The following CALCR variants were observed in gnomAD, a reference collection of about 807,000 sequenced individuals.
CALCR encodes calcitonin receptor.
A neutral mutation model predicts 59.5 loss-of-function variants in CALCR; 47 were observed. The observed-to-expected ratio is 0.79, with a 90% confidence interval of 0.63 to 1.01. CALCR has a LOEUF of 1.01. CALCR is among the 50% of genes least tolerant of loss of function. CALCR has a pLI of 0.00. For synonymous variants in CALCR, 213 were observed against 211.3 expected, an observed-to-expected ratio of 1.01 and a Z score of -0.07; for missense variants, 566 against 597.1, an observed-to-expected ratio of 0.95 and a Z score of 0.54.
intron 13 of CALCR, among the ~76,000 whole-genome samples, chr7:93,426,972 A>AT (rs1197975766): frequency 6.6e-6 from 1 of 152,178 alleles, no homozygotes; most frequent in Admixed American, 6.5e-5. Flanking sequence ...GAAGTTTTTA[A>AT]TTTAAGTGTG....
intron 13 of CALCR, among the ~76,000 whole-genome samples, chr7:93,427,782 T>A (rs1799561912): frequency 6.6e-6 from 1 of 152,040 alleles, no homozygotes; most frequent in Admixed American, 6.6e-5. Context: ...AGTAATAATC[T>A]CCTCTGAGAA....
chr7:93,473,283 T>C (rs1225957084), intron 5 of CALCR, among the ~76,000 whole-genome samples: 7 of 151,852 alleles, frequency 4.6e-5, no homozygotes, highest in Admixed American at 1.3e-4. Flanking sequence ...ACGTTAATAA[T>C]GAGTCTTTGA....
At chr7:93,538,618 T>G (rs914941803) in intron 2 of CALCR, among the ~76,000 whole-genome samples, 1 of 151,684 alleles carries the variant, frequency 6.6e-6, no homozygotes, top group South Asian at 2.1e-4. Flanking sequence ...CTTAACCTGT[T>G]TTTTGTTTTT....
chr7:93,533,234 C>T (rs772723830), intron 2 of CALCR, among the ~76,000 whole-genome samples: 11 of 151,840 alleles, frequency 7.2e-5, no homozygotes, highest in South Asian at 2.1e-4. Context: ...CAATATTAGG[C>T]GAGGACTAAC....
intron 2 of CALCR, chr7:93,496,036 T>C: frequency 3.4e-6 from 3 of 872,216 alleles, no homozygotes; most frequent in Non-Finnish European, 5.1e-6. Flanking sequence ...AATGTCTTCA[T>C]GTAAGGGGAA....
chr7:93,466,878 T>C (rs1413179117), intron 7 of CALCR, among the ~76,000 whole-genome samples: 1 of 151,638 alleles, frequency 6.6e-6, no homozygotes, highest in Non-Finnish European at 1.5e-5. Context: ...GAAATGATCG[T>C]TGAAAAAAAA....
chr7:93,536,800 A>G (rs1789002428), intron 2 of CALCR, among the ~76,000 whole-genome samples: 1 of 151,708 alleles, frequency 6.6e-6, no homozygotes, highest in Non-Finnish European at 1.5e-5. Context: ...TTCTTGACAT[A>G]AGAAATTAGT....
At chr7:93,483,999 A>G (rs779940906) in intron 3 of CALCR, 4 of 521,036 alleles carry the variant, frequency 7.7e-6, no homozygotes, top group Non-Finnish European at 1.6e-5. Flanking sequence ...GGCGTCACAC[A>G]TACGACCACC....
At chr7:93,435,092 A>G (rs1386103745) in intron 12 of CALCR, among the ~76,000 whole-genome samples, 3 of 152,150 alleles carry the variant, frequency 2.0e-5, no homozygotes, top group African/African-American at 7.2e-5. Context: ...GGTGAATGGA[A>G]CTAGGGCAGC....
At chr7:93,526,096 T>A (rs1801871565) in intron 2 of CALCR, among the ~76,000 whole-genome samples, 1 of 152,164 alleles carries the variant, frequency 6.6e-6, no homozygotes, top group Non-Finnish European at 1.5e-5. Context: ...GAAGTCAACA[T>A]AAAGATTAGA....
At chr7:93,487,770 A>G (rs1800980818) in intron 2 of CALCR, among the ~76,000 whole-genome samples, 1 of 151,412 alleles carries the variant, frequency 6.6e-6, no homozygotes, top group Admixed American at 6.6e-5. Context: ...GTGAGTGGTT[A>G]TGACTGTATC....
chr7:93,446,406 A>G (rs1800006895), intron 8 of CALCR, among the ~76,000 whole-genome samples: 1 of 152,060 alleles, frequency 6.6e-6, no homozygotes, highest in Non-Finnish European at 1.5e-5. Flanking sequence ...AGAAATATAC[A>G]GAACCACACC....
intron 13 of CALCR, among the ~76,000 whole-genome samples, chr7:93,432,889 T>C (rs1470882902): frequency 6.6e-6 from 1 of 152,150 alleles, no homozygotes; most frequent in Non-Finnish European, 1.5e-5. Context: ...ATTTATTAGT[T>C]TTTATCATTC....
Position 93,426,282 on chromosome 7 carries a change from G to C in CALCR, c.*74C>G. The C allele has an allele frequency of 1.2e-6, 1 of 833,300 alleles. No homozygotes were observed. Among genetic ancestry groups the C allele is most frequent in the Non-Finnish European group, 2.1e-6 (1 of 480,392 alleles). 51.6% of individuals were successfully genotyped at this position (833,300 alleles called of 1,614,324 possible). A position where few individuals can be genotyped will look rare whatever the true frequency, so the allele number is the denominator to read the frequency against. Reference sequence around the variant, plus strand: ...TATGTTCGGTTCCTGGGAGGATGGAGAATACTTTAAATGCATGGTCTTTCT... The same window carrying C: ...TATGTTCGGTTCCTGGGAGGATGGACAATACTTTAAATGCATGGTCTTTCT... On this transcript the variant is annotated 3_prime_UTR_variant, in exon 14 of 14. Coordinates refer to ENST00000426151, the MANE Select transcript of CALCR (RefSeq NM_001742.4).
chr7:93,424,638 A>G lies in CALCR; in HGVS notation c.*1718T>C, dbSNP rs1799484671. 1 of 152,610 alleles carries G rather than the reference A, an allele frequency of 6.6e-6. No homozygotes were observed. The highest frequency in any genetic ancestry group is 2.1e-4 in the South Asian group (1 of 4,832). The allele number at this position is 152,610 out of a possible 1,614,324, so 9.5% of individuals were successfully genotyped here. A position where few individuals can be genotyped will look rare whatever the true frequency, so the allele number is the denominator to read the frequency against. On this transcript the variant is annotated 3_prime_UTR_variant, in exon 14 of 14. Coordinates refer to ENST00000426151, the MANE Select transcript of CALCR (RefSeq NM_001742.4). ...ACTATGTGCAATTCTATAATAAGCT[A>G]TTTTGTTTTCTTCAACCCCTACTAT...
intron 2 of CALCR, among the ~76,000 whole-genome samples, chr7:93,542,599 C>T (rs1789173354): frequency 3.3e-5 from 5 of 152,092 alleles, no homozygotes; most frequent in Admixed American, 3.3e-4. Context: ...ATTTAGCTTA[C>T]TGTAACTTTT....
chr7:93,561,257 A>G (rs1310153225), intron 2 of CALCR, among the ~76,000 whole-genome samples: 2 of 152,162 alleles, frequency 1.3e-5, no homozygotes, highest in Non-Finnish European at 2.9e-5. Context: ...GAACAGTGCT[A>G]TTCTATAAAA....
chr7:93,558,178 C>A (rs895517005), intron 2 of CALCR, among the ~76,000 whole-genome samples: 4 of 148,410 alleles, frequency 2.7e-5, no homozygotes, highest in African/African-American at 9.9e-5. Context: ...TGAAATTAAT[C>A]ATGAATACAG....
intron 2 of CALCR, among the ~76,000 whole-genome samples, chr7:93,540,285 C>T (rs779293371): frequency 1.2e-4 from 19 of 152,102 alleles, no homozygotes; most frequent in Non-Finnish European, 2.4e-4. Context: ...CTACTCTTTC[C>T]GTATGTATGG....
Sources: allele counts gnomAD v4.1 joint callset (sites outside exome capture counted in the v4.1 genomes callset), GRCh38; gene constraint gnomAD v4.1.1; transcripts MANE v1.5; gene names NCBI Gene and HGNC (gene_info 2026-07-23, HGNC 2026-07-21).